Variants in KCNJ2 observed in about 807,000 individuals in gnomAD.
KCNJ2 encodes the protein inward rectifier potassium channel 2.
KCNJ2 carries 12 observed loss-of-function variants against 28.4 expected under a neutral mutation model. That is an observed-to-expected ratio of 0.42 (90% CI 0.27 to 0.68). The LOEUF (loss-of-function observed/expected upper bound fraction) is 0.68. Among genes scored for constraint, KCNJ2 ranks in the 30% least tolerant of loss-of-function variants. The pLI, the probability that KCNJ2 is intolerant of heterozygous loss-of-function variation, is 0.23. For missense variants in KCNJ2, 320 were observed against 551.3 expected, an observed-to-expected ratio of 0.58 and a Z score of 4.20; for synonymous variants, 200 against 203.2, an observed-to-expected ratio of 0.98 and a Z score of 0.13.
intron 1 of KCNJ2, among the ~76,000 whole-genome samples, chr17:70,170,106 G>C (rs1047600919): frequency 5.9e-5 from 9 of 151,876 alleles, no homozygotes; most frequent in Admixed American, 4.6e-4. Flanking sequence ...GGTGCGTCTT[G>C]AGCCCTGGTC....
chr17:70,170,455 A>G (rs1480625054), intron 1 of KCNJ2, among the ~76,000 whole-genome samples: 1 of 134,832 alleles, frequency 7.4e-6, no homozygotes, highest in African/African-American at 4.0e-5. Context: ...TGACAATTGG[A>G]AAAAAAATAG....
chr17:70,176,152 A>G lies in KCNJ2; in HGVS notation c.1113A>G (p.Ala371=). The part of the protein sequence containing the change: ...LAEKKYILSN[A]NSFCYENEVA... ...AAAAGAAATATATCCTCTCAAATGCAAATTCATTTTGCTATGAAAATGAAG... is the reference window on the plus strand; with the variant it reads ...AAAAGAAATATATCCTCTCAAATGCGAATTCATTTTGCTATGAAAATGAAG... The change falls in exon 2 of 2, where the codon GCA becomes GCG. Residue 371 remains alanine (A), a synonymous_variant. Transcript: ENST00000243457. 3.1e-6 allele frequency: 5 copies of G among 1,614,056 alleles called. No individual in the cohort carries two copies. Among genetic ancestry groups the G allele is most frequent in the Non-Finnish European group, 3.4e-6 (4 of 1,180,036 alleles).
Position 70,176,154 on chromosome 17 carries a change from A to G in KCNJ2, c.1115A>G (p.Asn372Ser), listed in dbSNP as rs1279418065. The G allele has an allele frequency of 2.5e-6, 4 of 1,613,790 alleles. No homozygotes were observed. The highest frequency in any genetic ancestry group is 3.4e-6 in the Non-Finnish European group (4 of 1,180,016). The change falls in exon 2 of 2, where the codon AAT (asparagine) becomes AGT (serine). Residue 372 changes from asparagine to serine, a missense_variant. Physicochemically the swap from Asn to Ser is conservative, Grantham distance 46. This residue lies in a region of KCNJ2 where 155 missense variants were observed against 231.6 expected (regional missense o/e 0.67). Coordinates refer to ENST00000243457, the MANE Select transcript of KCNJ2 (RefSeq NM_000891.3). The part of the protein sequence containing the change: ...AEKKYILSNA[N>S]SFCYENEVAL... Reference sequence around the variant, plus strand: ...AAGAAATATATCCTCTCAAATGCAAATTCATTTTGCTATGAAAATGAAGTT... The same window carrying G: ...AAGAAATATATCCTCTCAAATGCAAGTTCATTTTGCTATGAAAATGAAGTT...
At chr17:70,170,764 T>G (rs1386278506) in intron 1 of KCNJ2, among the ~76,000 whole-genome samples, 2 of 152,240 alleles carry the variant, frequency 1.3e-5, no homozygotes, top group Non-Finnish European at 2.9e-5. Flanking sequence ...TCCAAATGTT[T>G]CATTTCTATT....
chr17:70,175,039 G>A lies in KCNJ2; in HGVS notation c.-1G>A, dbSNP rs561773121. The A allele has an allele frequency of 6.2e-6, 10 of 1,614,002 alleles. 1 individual carries two copies. The highest frequency in any genetic ancestry group is 2.2e-5 in the East Asian group (1 of 44,878). ...AAGCACTGGAGTCCCCAGCAGAAGC[G>A]ATGGGCAGTGTGCGAACCAACCGCT... is the stretch of plus-strand genomic sequence containing the variant. On this transcript the variant is annotated 5_prime_UTR_variant, in exon 2 of 2. Transcript: ENST00000243457. This position sits in a 1 kb window ranked among gnomAD's most constrained non-coding sequence, Gnocchi z 8.3.
chr17:70,171,619 C>A (rs940937542), intron 1 of KCNJ2, among the ~76,000 whole-genome samples: 1 of 152,128 alleles, frequency 6.6e-6, no homozygotes, highest in Non-Finnish European at 1.5e-5. Flanking sequence ...CATGTGATCT[C>A]CTTGACCTTA....
At chr17:70,172,175 C>A (rs2074368188) in intron 1 of KCNJ2, among the ~76,000 whole-genome samples, 1 of 151,916 alleles carries the variant, frequency 6.6e-6, no homozygotes, top group Non-Finnish European at 1.5e-5. Flanking sequence ...CCCCATCAAA[C>A]CTTGACAGGT....
chr17:70,171,696 AT>A (rs2074365954), intron 1 of KCNJ2, among the ~76,000 whole-genome samples: 1 of 152,052 alleles, frequency 6.6e-6, no homozygotes, highest in Admixed American at 6.5e-5. Context: ...ATTTTTTTCC[AT>A]TGCTTATGCT....
Position 70,175,898 on chromosome 17 carries a change from A to G in KCNJ2, c.859A>G (p.Ile287Val). The change falls in exon 2 of 2, where the codon ATT becomes GTT. Residue 287 changes from isoleucine (I) to valine (V), a missense_variant. Coordinates refer to ENST00000243457, the MANE Select transcript of KCNJ2 (RefSeq NM_000891.3). This position sits in a 1 kb window ranked among gnomAD's most constrained non-coding sequence, Gnocchi z 8.3. Reference protein sequence around the residue: ...SPLYDLSKQDIDNADFEIVVI... With the variant: ...SPLYDLSKQDVDNADFEIVVI... ...TTTATATGATTTGAGTAAACAGGAC[A>G]TTGACAACGCAGACTTTGAAATCGT... The G allele has an allele frequency of 6.2e-7, 1 of 1,614,188 alleles. No homozygotes were observed. Among genetic ancestry groups the G allele is most frequent in the East Asian group, 2.2e-5 (1 of 44,868 alleles).
At chr17:70,172,111 TG>T (rs1465243908) in intron 1 of KCNJ2, among the ~76,000 whole-genome samples, 3 of 152,020 alleles carry the variant, frequency 2.0e-5, no homozygotes, top group Non-Finnish European at 4.4e-5. Context: ...CGCTCAGGCA[TG>T]TGGGCAGGTT....
In KCNJ2 at chr17:70,175,209, A is replaced by G. The variant is rs1273518954; in HGVS notation, c.170A>G (p.Gln57Arg). ...FVKKDGHCNV[Q>R]FINVGEKGQR... is the part of the protein sequence containing the mutation. ...AAGAAAGATGGCCACTGTAATGTTCAGTTCATCAATGTGGGTGAGAAGGGG... is the reference window on the plus strand; with the variant it reads ...AAGAAAGATGGCCACTGTAATGTTCGGTTCATCAATGTGGGTGAGAAGGGG... Residue 57 changes from glutamine (Q) to arginine (R), a missense_variant, in exon 2 of 2, where the codon CAG (glutamine) becomes CGG (arginine). Transcript: ENST00000243457. The surrounding 1 kb of genome is among the most constrained non-coding windows in gnomAD (Gnocchi z 8.3). 1.9e-6 allele frequency: 3 copies of G among 1,614,200 alleles called. No homozygotes were observed. The South Asian group carries it at 3.3e-5, about 18-fold the overall frequency.
chr17:70,169,861 T>C (rs2144369778), intron 1 of KCNJ2, among the ~76,000 whole-genome samples, 160 bp downstream of exon 1: 1 of 152,232 alleles, frequency 6.6e-6, no homozygotes, highest in Middle Eastern at 3.4e-3. Context: ...TCCCAGATCA[T>C]GCCTATATAG....
rs748445140 is a variant in KCNJ2 at position 70,176,293 on chromosome 17, C to A, written c.1254C>A (p.Pro418=). The A allele has an allele frequency of 7.4e-6, 12 of 1,613,988 alleles. No individual in the cohort carries two copies. In the South Asian group the frequency reaches 8.8e-5, roughly 12 times the overall value. Residue 418 remains proline (P), a synonymous_variant, in exon 2 of 2, where the codon CCC becomes CCA. Coordinates refer to ENST00000243457, the MANE Select transcript of KCNJ2 (RefSeq NM_000891.3). The part of the protein sequence containing the change: ...LHNQASVPLE[P]RPLRRESEI ...ACCAGGCAAGTGTACCTCTAGAGCCCAGGCCCTTACGGCGAGAGTCGGAGA... is the reference window on the plus strand; with the variant it reads ...ACCAGGCAAGTGTACCTCTAGAGCCAAGGCCCTTACGGCGAGAGTCGGAGA...
intron 1 of KCNJ2, among the ~76,000 whole-genome samples, chr17:70,173,431 G>A (rs1245812248): frequency 1.3e-5 from 2 of 152,068 alleles, no homozygotes; most frequent in African/African-American, 4.8e-5. Flanking sequence ...GAAGGATTTG[G>A]TTGTATGAAA....
chr17:70,173,587 G>GA (rs1347059251), intron 1 of KCNJ2, among the ~76,000 whole-genome samples: 1 of 152,202 alleles, frequency 6.6e-6, no homozygotes, highest in Non-Finnish European at 1.5e-5. Flanking sequence ...ATGGAAAGTT[G>GA]AAGTACATAG....
In KCNJ2 at chr17:70,178,748, T is replaced by C. The variant is rs1392361958; in HGVS notation, c.*2425T>C. On this transcript the variant is annotated 3_prime_UTR_variant, in exon 2 of 2. Transcript: ENST00000243457. ...AATTTCTGGTGCACAGGTTTGTTTTTTCAAGAAAATTTTGCAGAAGCTATG... is the reference window on the plus strand; with the variant it reads ...AATTTCTGGTGCACAGGTTTGTTTTCTCAAGAAAATTTTGCAGAAGCTATG... 1.2e-5 allele frequency: 2 copies of C among 166,856 alleles called. No individual in the cohort carries two copies. Among genetic ancestry groups the C allele is most frequent in the East Asian group, 3.8e-4 (2 of 5,210 alleles). The allele number at this position is 166,856 out of a possible 1,614,324, so 10.3% of individuals were successfully genotyped here. A position where few individuals can be genotyped will look rare whatever the true frequency, so the allele number is the denominator to read the frequency against.
chr17:70,172,819 C>T (rs144981236), intron 1 of KCNJ2, among the ~76,000 whole-genome samples: 131 of 152,208 alleles, frequency 8.6e-4, no homozygotes, highest in South Asian at 6.2e-3. Flanking sequence ...CGTATACCTG[C>T]GTTTGGTGTT....
Position 70,175,363 on chromosome 17 carries a change from G to A in KCNJ2, c.324G>A (p.Leu108=), listed in dbSNP as rs900684102. The A allele has an allele frequency of 6.2e-7, 1 of 1,614,134 alleles. No individual in the cohort carries two copies. The highest frequency in any genetic ancestry group is 1.7e-5 in the Admixed American group (1 of 60,024). Reference sequence around the variant, plus strand: ...GCTGTGTGTTTTGGTTGATAGCTCTGCTCCATGGGGACCTGGATGCATCCA... The same window carrying A: ...GCTGTGTGTTTTGGTTGATAGCTCTACTCCATGGGGACCTGGATGCATCCA... ...FFGCVFWLIA[L]LHGDLDASKE... The change falls in exon 2 of 2, where the codon CTG becomes CTA. Residue 108 remains leucine, a synonymous_variant. Coordinates refer to ENST00000243457, the MANE Select transcript of KCNJ2 (RefSeq NM_000891.3). This position sits in a 1 kb window ranked among gnomAD's most constrained non-coding sequence, Gnocchi z 8.3.
chr17:70,178,306 A>G lies in KCNJ2; in HGVS notation c.*1983A>G, dbSNP rs2074407529. On this transcript the variant is annotated 3_prime_UTR_variant, in exon 2 of 2. Coordinates refer to ENST00000243457, the MANE Select transcript of KCNJ2 (RefSeq NM_000891.3). ...TGATGGCTTGGGAAACTGAGGTGTT[A>G]TTTTCAATGAAACAAAGAAAGAGAT... 6.0e-6 allele frequency: 1 copy of G among 166,922 alleles called. No homozygotes were observed. Among genetic ancestry groups the G allele is most frequent in the Non-Finnish European group, 1.5e-5 (1 of 68,102 alleles). 10.3% of individuals were successfully genotyped at this position (166,922 alleles called of 1,614,324 possible).
Sources: gnomAD v4.1 joint callset for allele counts (sites outside exome capture counted in the v4.1 genomes callset) on GRCh38, gnomAD v4.1.1 for gene constraint, gnomAD v4.1.1 regional missense constraint, Gnocchi (gnomAD v3.1) non-coding constraint, MANE v1.5 for transcripts, NCBI Gene and HGNC (gene_info 2026-07-23, HGNC 2026-07-21) for gene names.